The following SMARCA2 variants were observed in gnomAD, a reference collection of about 807,000 sequenced individuals.
The protein encoded by SMARCA2 is SWI/SNF-related matrix-associated actin-dependent regulator of chromatin subfamily A member 2.
A neutral mutation model predicts 199.8 loss-of-function variants in SMARCA2; 61 were observed. The observed-to-expected ratio is 0.31, with a 90% confidence interval of 0.25 to 0.38. The LOEUF is 0.38. SMARCA2 is among the 10% of genes least tolerant of loss of function. The pLI is 1.00. For missense variants in SMARCA2, 1,344 were observed against 2,012.2 expected (o/e 0.67, Z 6.35); for synonymous variants, 935 against 732.0 (o/e 1.28, Z -4.48).
rs754387534 is a variant in SMARCA2 at position 2,104,944 on chromosome 9, A to C, written c.3292+775A>C. ...GAAGTTAATTTACAGTCAGGATGCT[A>C]TTTAATCCCTGGGTAGAAAAGAGGA... On this transcript the variant is annotated intron_variant, in intron 23 of 33. Coordinates refer to ENST00000349721, the MANE Select transcript of SMARCA2 (RefSeq NM_003070.5). The surrounding 1 kb of genome is among the most constrained non-coding windows in gnomAD (Gnocchi z 4.0). 2.2e-4 allele frequency among the ~76,000 whole-genome samples: 34 copies of C among 152,238 alleles called. No individual in the cohort carries two copies. Among genetic ancestry groups the C allele is most frequent in the Non-Finnish European group, 4.4e-4 (30 of 68,038 alleles).
intron 9 of SMARCA2, among the ~76,000 whole-genome samples, chr9:2,070,193 C>T (rs192094322): frequency 3.9e-4 from 59 of 152,300 alleles, no homozygotes; most frequent in African/African-American, 1.4e-3. Flanking sequence ...CTCTAGTGTG[C>T]TGGCCTCAGA....
At chr9:2,060,714 C>G in intron 8 of SMARCA2, 102 bp from the exon 9 acceptor site, 1 of 1,107,932 alleles carries the variant, frequency 9.0e-7, no homozygotes, top group East Asian at 2.5e-5. Context: ...TGCTACACTC[C>G]TACCAGTCAA....
At chr9:2,021,356 A>G (rs1008601837) in intron 1 of SMARCA2, among the ~76,000 whole-genome samples, 4 of 152,256 alleles carry the variant, frequency 2.6e-5, no homozygotes, top group African/African-American at 9.6e-5. Flanking sequence ...CTTAAAAATG[A>G]TAAAAATCTC....
intron 27 of SMARCA2, among the ~76,000 whole-genome samples, chr9:2,146,643 C>A (rs1472501642): frequency 2.0e-5 from 3 of 152,230 alleles, no homozygotes; most frequent in Admixed American, 2.0e-4. Flanking sequence ...AGAATGGCTA[C>A]TCCATAGGCA....
rs144428938 is a variant in SMARCA2 at position 2,033,227 on chromosome 9, C to G, written c.355+146C>G. Reference sequence around the variant, plus strand: ...TCTTTTCCTTATGGAAATCTACCTCCGTCCTCACCAATACAACCTGATGAT... The same window carrying G: ...TCTTTTCCTTATGGAAATCTACCTCGGTCCTCACCAATACAACCTGATGAT... On this transcript the variant is annotated intron_variant, in intron 3 of 33. Coordinates refer to ENST00000349721, the MANE Select transcript of SMARCA2 (RefSeq NM_003070.5). 541 of 792,838 alleles carry G rather than the reference C, an allele frequency of 6.8e-4. 1 individual carries two copies. Among genetic ancestry groups the G allele is most frequent in the Non-Finnish European group, 9.6e-4 (488 of 510,132 alleles). 49.1% of individuals were successfully genotyped at this position (792,838 alleles called of 1,614,324 possible). A position where few individuals can be genotyped will look rare whatever the true frequency, so the allele number is the denominator to read the frequency against.
intron 23 of SMARCA2, among the ~76,000 whole-genome samples, chr9:2,108,203 G>A (rs1470346910): frequency 6.6e-6 from 1 of 152,174 alleles, no homozygotes; most frequent in Non-Finnish European, 1.5e-5. Flanking sequence ...TGGTGTCAAC[G>A]GGTTTGAACT....
chr9:2,160,851 T>G (rs560716548), intron 27 of SMARCA2: 1 of 390,516 alleles, frequency 2.6e-6, no homozygotes, highest in South Asian at 8.2e-5. Context: ...TTCCCCTTTA[T>G]TTTTCTTCTT....
intron 27 of SMARCA2, among the ~76,000 whole-genome samples, chr9:2,143,832 C>T (rs948781747): frequency 2.6e-5 from 4 of 152,204 alleles, no homozygotes; most frequent in Admixed American, 2.6e-4. Flanking sequence ...AAAAGAAGCG[C>T]AGGCTAGAGA....
At chr9:2,042,328 G>T (rs747385763) in intron 4 of SMARCA2, 2 of 152,162 alleles carry the variant, frequency 1.3e-5, no homozygotes, top group African/African-American at 2.4e-5. Context: ...AGTAGTCTGG[G>T]ATGATGTGTT....
intron 7 of SMARCA2, among the ~76,000 whole-genome samples, chr9:2,057,829 A>T (rs530000097): frequency 2.6e-4 from 39 of 152,350 alleles, no homozygotes; most frequent in African/African-American, 9.1e-4. Context: ...CAAATTCTGC[A>T]TGGCAATTTT....
rs567726462 is a variant in SMARCA2 at position 2,145,018 on chromosome 9, C to T, written c.3982-16668C>T. Among the ~76,000 whole-genome samples, 70 of 152,130 alleles carry T rather than the reference C, an allele frequency of 4.6e-4. 1 individual carries two copies. The South Asian group carries it at 0.013, about 28-fold the overall frequency. On this transcript the variant is annotated intron_variant, in intron 27 of 33. Coordinates refer to ENST00000349721, the MANE Select transcript of SMARCA2 (RefSeq NM_003070.5). Reference sequence around the variant, plus strand: ...TGTGGCTAGTAAACTTAGAGAAACGCGCTGGTTATGGTGGCTCATGCCTGT... The same window carrying T: ...TGTGGCTAGTAAACTTAGAGAAACGTGCTGGTTATGGTGGCTCATGCCTGT...
chr9:2,103,908 G>A (rs745509705), intron 22 of SMARCA2, 95 bp from the exon 23 acceptor site: 19 of 992,482 alleles, frequency 1.9e-5, no homozygotes, highest in African/African-American at 4.8e-5. Flanking sequence ...TGTTTACAGT[G>A]TACAAAGGAC....
intron 31 of SMARCA2, among the ~76,000 whole-genome samples, chr9:2,184,820 T>G (rs973870015): frequency 4.6e-5 from 7 of 152,060 alleles, no homozygotes; most frequent in African/African-American, 1.4e-4. Context: ...CTCTGATGTC[T>G]CTGGAAAATT....
At chr9:2,063,739 A>AGT (rs1820702488) in intron 9 of SMARCA2, among the ~76,000 whole-genome samples, 2 of 11,466 alleles carry the variant, frequency 1.7e-4, no homozygotes, top group African/African-American at 2.7e-4. Context: ...ACTAGTGTAC[A>AGT]ATTTTTTTTT....
intron 28 of SMARCA2, among the ~76,000 whole-genome samples, chr9:2,165,837 A>C (rs1441837355): frequency 1.3e-5 from 2 of 152,148 alleles, no homozygotes; most frequent in African/African-American, 2.4e-5. Context: ...AGAGAGAGAG[A>C]TTCCTAGAGG....
At position 2,176,037 on chromosome 9, in the gene SMARCA2, T is replaced by C. The variant is rs561460237; in HGVS notation, c.4254-5534T>C. Among the ~76,000 whole-genome samples the C allele has an allele frequency of 2.0e-5, 3 of 152,106 alleles. No homozygotes were observed. In the South Asian group the frequency reaches 6.2e-4, roughly 32 times the overall value. On this transcript the variant is annotated intron_variant, in intron 29 of 33. Coordinates refer to ENST00000349721, the MANE Select transcript of SMARCA2 (RefSeq NM_003070.5). ...CTGGGATTATAGCCATGCGCCACCA[T>C]ACTCGGCTAATTTTTTTATTTTTGG...
At chr9:2,021,673 A>G (rs1586615278) in intron 1 of SMARCA2, among the ~76,000 whole-genome samples, 1 of 152,244 alleles carries the variant, frequency 6.6e-6, no homozygotes, top group Non-Finnish European at 1.5e-5. Flanking sequence ...CTAAAAGACC[A>G]TTAAGCAGAG....
intron 9 of SMARCA2, among the ~76,000 whole-genome samples, chr9:2,068,217 T>A (rs1331632344): frequency 6.6e-6 from 1 of 152,258 alleles, no homozygotes; most frequent in African/African-American, 2.4e-5. Context: ...GTTCTCTGTG[T>A]CACTAGCTTA....
At chr9:2,166,997 C>T (rs1200718355) in intron 28 of SMARCA2, among the ~76,000 whole-genome samples, 7 of 152,192 alleles carry the variant, frequency 4.6e-5, no homozygotes, top group Non-Finnish European at 8.8e-5. Flanking sequence ...TTCTAAATAG[C>T]CCTGTGGCAT....
Sources: gnomAD v4.1 joint callset for allele counts (sites outside exome capture counted in the v4.1 genomes callset) on GRCh38, gnomAD v4.1.1 for gene constraint, Gnocchi (gnomAD v3.1) non-coding constraint, MANE v1.5 for transcripts, NCBI Gene and HGNC (gene_info 2026-07-23, HGNC 2026-07-21) for gene names.